Variants in RFPL2 observed in about 807,000 individuals in gnomAD.
RFPL2 encodes the protein ret finger protein like 2, also known as ret finger protein-like 2.
In RFPL2, 13 loss-of-function variants were observed where a neutral mutation model predicts 17.8. That is an observed-to-expected ratio of 0.73 (90% CI 0.47 to 1.16). The LOEUF (loss-of-function observed/expected upper bound fraction) is 1.16, where lower values mean the gene tolerates loss of function less well. Ranked by LOEUF, RFPL2 falls within the 50% of genes most tolerant of loss-of-function variation. The probability of loss-of-function intolerance (pLI) is 0.00; values close to 1 mark genes in which losing one functional copy is unlikely to be tolerated. For synonymous variants in RFPL2, 189 were observed against 180.9 expected (o/e 1.04, Z -0.36); for missense variants, 431 against 479.3 (o/e 0.90, Z 0.94).
In RFPL2 at chr22:32,191,283, C is replaced by T. The variant is rs770071733; in HGVS notation, c.626G>A (p.Arg209Gln). The change falls in exon 5 of 5, where the codon CGA becomes CAA. Residue 209 changes from arginine (R) to glutamine (Q), a missense_variant. Transcript: ENST00000652607. ...CCGATTCTGTCTGATGCGCCCACTTCGGACGCTCCTGAGGTCGTCAGAAAT... is the reference window on the plus strand; with the variant it reads ...CCGATTCTGTCTGATGCGCCCACTTTGGACGCTCCTGAGGTCGTCAGAAAT... The part of the protein sequence containing the change: ...LLISDDLRSV[R>Q]SGRIRQNRQD... 4.3e-6 allele frequency: 7 copies of T among 1,613,844 alleles called. No homozygotes were observed. Among genetic ancestry groups the T allele is most frequent in the East Asian group, 2.2e-5 (1 of 44,892 alleles).
At chr22:32,199,717 C>T (rs936043389) in intron 2 of RFPL2, among the ~76,000 whole-genome samples, 32 of 152,182 alleles carry the variant, frequency 2.1e-4, no homozygotes, top group African/African-American at 7.0e-4. Flanking sequence ...AGGTGATGGG[C>T]AGGGGACAGG....
chr22:32,196,913 A>G (rs1923393847), intron 2 of RFPL2, among the ~76,000 whole-genome samples: 1 of 152,174 alleles, frequency 6.6e-6, no homozygotes, highest in Non-Finnish European at 1.5e-5. Context: ...TAGTATTTAA[A>G]AGGCAATTTC....
intron 1 of RFPL2, 75 bp from the exon 2 acceptor site, chr22:32,202,625 C>T (rs1406953685): frequency 2.8e-6 from 4 of 1,425,612 alleles, no homozygotes; most frequent in Non-Finnish European, 3.7e-6. Context: ...GGGCCGGTTT[C>T]AGCGAAGGTA....
intron 3 of RFPL2, 195 bp from the exon 4 acceptor site, chr22:32,193,387 A>G: frequency 1.4e-5 from 22 of 1,540,476 alleles, no homozygotes; most frequent in Non-Finnish European, 1.8e-5. Flanking sequence ...TCTATTGGGA[A>G]AGTCACGAAT....
In RFPL2 at chr22:32,191,160, C is replaced by T. The variant is rs769814973; in HGVS notation, c.749G>A (p.Ser250Asn). The T allele has an allele frequency of 4.1e-5, 66 of 1,613,966 alleles. No homozygotes were observed. Among genetic ancestry groups the T allele is most frequent in the East Asian group, 6.7e-5 (3 of 44,876 alleles). Residue 250 changes from serine (S) to asparagine (N), a missense_variant, in exon 5 of 5, where the codon AGC becomes AAC. Transcript: ENST00000652607. The part of the protein sequence containing the change: ...RHCWEVDVGT[S>N]TEWDLGVCRE... ...GCAGACTCCCAGGTCCCATTCTGTG[C>T]TTGTTCCCACGTCCACCTCCCAGCA...
chr22:32,202,193 T>C lies in RFPL2; in HGVS notation c.119+140A>G, dbSNP rs1923986576. 5 of 1,040,616 alleles carry C rather than the reference T, an allele frequency of 4.8e-6. No individual in the cohort carries two copies. The Admixed American group carries it at 1.3e-4, about 26-fold the overall frequency. 64.5% of individuals were successfully genotyped at this position (1,040,616 alleles called of 1,614,324 possible). On this transcript the variant is annotated intron_variant, in intron 2 of 4. Transcript: ENST00000652607. ...TCTCTCCCCCCACTTTCTGTCTTCC[T>C]CTCCCTGGACTCCCCTCTCCTTCTC... is the stretch of plus-strand genomic sequence containing the variant.
chr22:32,202,779 C>A, intron 1 of RFPL2: 1 of 1,078,032 alleles, frequency 9.3e-7, no homozygotes, highest in Non-Finnish European at 1.1e-6. Context: ...CTGCACTCCT[C>A]GGGAAGCAGG....
intron 2 of RFPL2, among the ~76,000 whole-genome samples, chr22:32,200,587 C>T (rs1224751270): frequency 6.6e-6 from 1 of 152,050 alleles, no homozygotes; most frequent in Non-Finnish European, 1.5e-5. Context: ...TCTCCTCTTC[C>T]TCCTTGCAGC....
chr22:32,202,578 T>A, intron 1 of RFPL2, 28 bp from the exon 2 acceptor site: 1 of 1,457,564 alleles, frequency 6.9e-7, no homozygotes, highest in Non-Finnish European at 9.0e-7. Flanking sequence ...GTGGTAACAT[T>A]AGAGCGCACC....
rs751533562 is a variant in RFPL2, at chr22:32,193,020, A to G, written c.438T>C (p.Ser146=). 1 of 1,614,110 alleles carries G rather than the reference A, an allele frequency of 6.2e-7. No individual in the cohort carries two copies. The highest frequency in any genetic ancestry group is 8.5e-7 in the Non-Finnish European group (1 of 1,180,010). ...GATTGCGCCTGATTTTGTTCTTCCG[A>G]GAGACCATGGAAGAGCAACAGCAAA... ...DLLCCCSSMV[S]RKNKIRRNRQ... Residue 146 remains serine, a synonymous_variant, in exon 4 of 5, where the codon TCT becomes TCC. Coordinates refer to ENST00000652607, the MANE Select transcript of RFPL2 (RefSeq NM_001394555.1).
At chr22:32,195,110 A>T (rs1923181030) in intron 2 of RFPL2, among the ~76,000 whole-genome samples, 1 of 152,218 alleles carries the variant, frequency 6.6e-6, no homozygotes, top group Non-Finnish European at 1.5e-5. Flanking sequence ...TTTCGTCTTC[A>T]TGCCTTTCTG....
Position 32,193,085 on chromosome 22 carries a change from T to G in RFPL2, c.373A>C (p.Ile125Leu), listed in dbSNP as rs775725100. The G allele has an allele frequency of 1.2e-6, 2 of 1,614,000 alleles. No homozygotes were observed. Among genetic ancestry groups the G allele is most frequent in the Admixed American group, 1.7e-5 (1 of 60,024 alleles). ...TGGGGCTCCTTCTGCAGTGAATTAATGCACTTGAGGCAGACGGCGCATCCA... is the reference window on the plus strand; with the variant it reads ...TGGGGCTCCTTCTGCAGTGAATTAAGGCACTTGAGGCAGACGGCGCATCCA... The part of the protein sequence containing the change: ...ECGCAVCLKC[I>L]NSLQKEPHGE... The change falls in exon 4 of 5, where the codon ATT becomes CTT. Residue 125 changes from isoleucine to leucine, a missense_variant. Physicochemically the swap from Ile to Leu is conservative, Grantham distance 5 (BLOSUM62 2). Transcript: ENST00000652607.
chr22:32,201,644 G>A (rs147361395), intron 2 of RFPL2, among the ~76,000 whole-genome samples: 4 of 152,188 alleles, frequency 2.6e-5, no homozygotes, highest in Admixed American at 6.5e-5. Flanking sequence ...TGGGTCTCGG[G>A]TGGAAAACCA....
intron 2 of RFPL2, among the ~76,000 whole-genome samples, chr22:32,196,605 T>A (rs1923360715): frequency 6.6e-6 from 1 of 152,242 alleles, no homozygotes; most frequent in Non-Finnish European, 1.5e-5. Flanking sequence ...CAGTCCTGGT[T>A]TATCCTCTGT....
At chr22:32,204,205 A>G (rs946785554) in intron 1 of RFPL2, among the ~76,000 whole-genome samples, 2 of 148,490 alleles carry the variant, frequency 1.3e-5, no homozygotes, top group East Asian at 2.0e-4. Flanking sequence ...AGAGCCCCCA[A>G]CCAGCCCCCA....
At position 32,190,659 on chromosome 22, in the gene RFPL2, C is replaced by A; in HGVS notation, c.*113G>T. On this transcript the variant is annotated 3_prime_UTR_variant, in exon 5 of 5. Transcript: ENST00000652607. ...TAGATTAAGTACAATCAAGAAATGT[C>A]CCATATTTTTCTCCCGTGACTTTGT... 3 of 1,066,248 alleles carry A rather than the reference C, an allele frequency of 2.8e-6. No individual in the cohort carries two copies. The highest frequency in any genetic ancestry group is 4.0e-6 in the Non-Finnish European group (3 of 748,086). The allele number at this position is 1,066,248 out of a possible 1,614,324, so 66.0% of individuals were successfully genotyped here.
At chr22:32,198,902 G>A (rs905993874) in intron 2 of RFPL2, among the ~76,000 whole-genome samples, 23 of 152,118 alleles carry the variant, frequency 1.5e-4, no homozygotes, top group African/African-American at 4.6e-4. Flanking sequence ...GTCCTCCCCC[G>A]TCTGGGCTTT....
At position 32,193,174 on chromosome 22, in the gene RFPL2, A is replaced by G; in HGVS notation, c.284T>C (p.Phe95Ser). 1.9e-6 allele frequency: 3 copies of G among 1,613,962 alleles called. No homozygotes were observed. Among genetic ancestry groups the G allele is most frequent in the Non-Finnish European group, 2.5e-6 (3 of 1,179,860 alleles). Residue 95 changes from phenylalanine (F) to serine (S), a missense_variant, in exon 4 of 5, where the codon TTC becomes TCC. By Grantham distance (155) the Phe-to-Ser change is radical (BLOSUM62 -2). Transcript: ENST00000652607. ...GACGGGACAGCTGCTTGCTTCTTGG[A>G]AGAGTGCAGCCATGTCCACTGCCAG... ...SSRRVDMAAL[F>S]QEASSCPVCS...
rs1274500722 is a variant in RFPL2, at chr22:32,194,664, A to T, written c.120-174T>A. On this transcript the variant is annotated intron_variant, in intron 2 of 4. Coordinates refer to ENST00000652607, the MANE Select transcript of RFPL2 (RefSeq NM_001394555.1). ...TGTACTAACTTCAAAAGCTTATTTT[A>T]GAGATGTTTCCATCAGTTGTCAGTA... is the stretch of plus-strand genomic sequence containing the variant. Among the ~76,000 whole-genome samples, 3 of 152,272 alleles carry T rather than the reference A, an allele frequency of 2.0e-5. 1 individual carries two copies. Among genetic ancestry groups the T allele is most frequent in the Admixed American group, 2.0e-4 (3 of 15,290 alleles).
Sources: gnomAD v4.1 joint callset for allele counts (sites outside exome capture counted in the v4.1 genomes callset) on GRCh38, gnomAD v4.1.1 for gene constraint, MANE v1.5 for transcripts, NCBI Gene and HGNC (gene_info 2026-07-23, HGNC 2026-07-21) for gene names.